The following ARSB variants were observed in gnomAD, a reference collection of about 807,000 sequenced individuals.
ARSB encodes arylsulfatase B, also known as N-acetylgalactosamine-4-sulfatase.
ARSB carries 41 observed loss-of-function variants against 50.9 expected under a neutral mutation model. That is an observed-to-expected ratio of 0.81 (90% CI 0.63 to 1.04). The LOEUF is 1.04. Among genes scored for constraint, ARSB ranks in the 50% least tolerant of loss-of-function variants. The pLI is 0.00. For synonymous variants in ARSB, 269 were observed against 284.8 expected (o/e 0.94, Z 0.56); for missense variants, 672 against 693.3 (o/e 0.97, Z 0.35).
chr5:78,880,124 G>A (rs1747678918), intron 5 of ARSB, among the ~76,000 whole-genome samples: 1 of 152,148 alleles, frequency 6.6e-6, no homozygotes, highest in African/African-American at 2.4e-5. Flanking sequence ...TTGGCCGCTA[G>A]GAGAACGTGC....
intron 5 of ARSB, among the ~76,000 whole-genome samples, chr5:78,865,448 C>A (rs1251557488): frequency 6.6e-6 from 1 of 152,122 alleles, no homozygotes; most frequent in African/African-American, 2.4e-5. Context: ...CTAGGCCTGG[C>A]CCCTGAAACC....
chr5:78,805,029 G>A lies in ARSB; in HGVS notation c.1214-23055C>T, dbSNP rs142943336. Reference sequence around the variant, plus strand: ...CTCCAGGGTTTAGTGATAGCAACACGCAAGATACTGTTTCTTACAAGTGGG... The same window carrying A: ...CTCCAGGGTTTAGTGATAGCAACACACAAGATACTGTTTCTTACAAGTGGG... On this transcript the variant is annotated intron_variant, in intron 6 of 7. Coordinates refer to ENST00000264914, the MANE Select transcript of ARSB (RefSeq NM_000046.5). Among the ~76,000 whole-genome samples, 42 of 152,318 alleles carry A rather than the reference G, an allele frequency of 2.8e-4. No homozygotes were observed. The East Asian group carries it at 7.3e-3, about 27-fold the overall frequency.
At chr5:78,835,938 T>A (rs1744934365) in intron 6 of ARSB, among the ~76,000 whole-genome samples, 1 of 152,188 alleles carries the variant, frequency 6.6e-6, no homozygotes, top group Non-Finnish European at 1.5e-5. Context: ...AATGCTTCTG[T>A]GATAACACTG....
At chr5:78,838,442 A>G (rs140519344) in intron 6 of ARSB, among the ~76,000 whole-genome samples, 107 of 152,352 alleles carry the variant, frequency 7.0e-4, no homozygotes, top group African/African-American at 2.5e-3. Flanking sequence ...CTGGTGACAC[A>G]TTTAGAATGA....
chr5:78,819,089 G>T (rs1744114362), intron 6 of ARSB, among the ~76,000 whole-genome samples: 1 of 152,298 alleles, frequency 6.6e-6, no homozygotes, highest in African/African-American at 2.4e-5. Context: ...TAGGTTTCAG[G>T]TAGGTGCTTA....
chr5:78,984,726 C>T (rs1753072350), intron 1 of ARSB, among the ~76,000 whole-genome samples: 1 of 152,044 alleles, frequency 6.6e-6, no homozygotes, highest in South Asian at 2.1e-4. Flanking sequence ...CGCGGGTCCG[C>T]GGGGCGCCAG....
At chr5:78,967,398 G>A (rs1325408627) in intron 2 of ARSB, among the ~76,000 whole-genome samples, 2 of 152,072 alleles carry the variant, frequency 1.3e-5, no homozygotes, top group African/African-American at 4.8e-5. Flanking sequence ...TCTCAGGCTG[G>A]GCGCGGTGGC....
intron 3 of ARSB, among the ~76,000 whole-genome samples, chr5:78,961,230 C>T (rs1561528576): frequency 3.9e-5 from 6 of 152,136 alleles, no homozygotes. Context: ...GGGATAAAAT[C>T]GTGAAAAGCT....
intron 5 of ARSB, among the ~76,000 whole-genome samples, chr5:78,853,442 C>T (rs900578756): frequency 2.6e-5 from 4 of 152,148 alleles, no homozygotes; most frequent in South Asian, 2.1e-4. Context: ...AATACCCGGC[C>T]GTGTGAGGTG....
At chr5:78,812,062 T>C (rs887943657) in intron 6 of ARSB, among the ~76,000 whole-genome samples, 1 of 152,150 alleles carries the variant, frequency 6.6e-6, no homozygotes, top group African/African-American at 2.4e-5. Context: ...TGCCACATCC[T>C]TGCATGTGCC....
At chr5:78,805,598 G>C (rs1743529735) in intron 6 of ARSB, among the ~76,000 whole-genome samples, 1 of 152,170 alleles carries the variant, frequency 6.6e-6, no homozygotes, top group South Asian at 2.1e-4. Flanking sequence ...TCAGCACTGG[G>C]TGTTTCTGGT....
In ARSB at chr5:78,815,757, G is replaced by A; in HGVS notation, c.1213+23599C>T. ...TTATTTCCACAAGGAATGAATAAAGGGAAAGGAATTTACTTTTGGGAAAAG... is the reference window on the plus strand; with the variant it reads ...TTATTTCCACAAGGAATGAATAAAGAGAAAGGAATTTACTTTTGGGAAAAG... On this transcript the variant is annotated intron_variant, in intron 6 of 7. Transcript: ENST00000264914. 5 of 1,185,332 alleles carry A rather than the reference G, an allele frequency of 4.2e-6. 1 individual carries two copies. Among genetic ancestry groups the A allele is most frequent in the Non-Finnish European group, 5.3e-6 (5 of 951,334 alleles). 73.4% of individuals were successfully genotyped at this position (1,185,332 alleles called of 1,614,324 possible). A position where few individuals can be genotyped will look rare whatever the true frequency, so the allele number is the denominator to read the frequency against.
At chr5:78,891,653 G>C (rs1351856102) in intron 4 of ARSB, among the ~76,000 whole-genome samples, 1 of 152,212 alleles carries the variant, frequency 6.6e-6, no homozygotes, top group East Asian at 1.9e-4. Context: ...GACAGAGCCA[G>C]CCAAGTGACC....
intron 4 of ARSB, among the ~76,000 whole-genome samples, chr5:78,917,989 A>G (rs1749637203): frequency 6.6e-6 from 1 of 152,264 alleles, no homozygotes; most frequent in African/African-American, 2.4e-5. Context: ...ACGCTGGCTC[A>G]TCAGCATCAT....
At chr5:78,878,089 ATT>A in intron 5 of ARSB, among the ~76,000 whole-genome samples, 1 of 152,252 alleles carries the variant, frequency 6.6e-6, no homozygotes, top group Non-Finnish European at 1.5e-5. Context: ...AGAAAACAGA[ATT>A]TTTTTTAAAT....
rs1744010742 is a variant in ARSB, at chr5:78,816,870, GTTC to G, written c.1213+22483_1213+22485del. ...ACAACCTGAGCAAGCTTGGAAGAAG[GTTC>G]TTCTGCAAAGCCTCCAGGTAAGAGC... is the stretch of plus-strand genomic sequence containing the variant. On this transcript the variant is annotated intron_variant, in intron 6 of 7. Transcript: ENST00000264914. Among the ~76,000 whole-genome samples, 3 of 152,156 alleles carry G rather than the reference GTTC, an allele frequency of 2.0e-5. No individual in the cohort carries two copies. In the South Asian group the frequency reaches 6.2e-4, roughly 32 times the overall value.
At chr5:78,939,437 C>G (rs1233296612) in intron 4 of ARSB, among the ~76,000 whole-genome samples, 1 of 152,062 alleles carries the variant, frequency 6.6e-6, no homozygotes, top group Admixed American at 6.6e-5. Context: ...ACCCCTTCCC[C>G]CGACCCCACA....
At chr5:78,901,311 G>A (rs1213123464) in intron 4 of ARSB, among the ~76,000 whole-genome samples, 13 of 152,208 alleles carry the variant, frequency 8.5e-5, no homozygotes, top group Admixed American at 6.5e-4. Flanking sequence ...GGAGGGAGAC[G>A]GGGGATTACT....
intron 4 of ARSB, among the ~76,000 whole-genome samples, chr5:78,895,081 G>A (rs1208919097): frequency 2.0e-5 from 3 of 152,178 alleles, no homozygotes; most frequent in Non-Finnish European, 4.4e-5. Context: ...AAATGCCCCT[G>A]AGTTACCACA....
Sources: allele counts gnomAD v4.1 joint callset (sites outside exome capture counted in the v4.1 genomes callset), GRCh38; gene constraint gnomAD v4.1.1; transcripts MANE v1.5; gene names NCBI Gene and HGNC (gene_info 2026-07-23, HGNC 2026-07-21).